ZNF536: variants seen among roughly 807,000 people sequenced by gnomAD.
ZNF536 encodes the protein zinc finger protein 536.
ZNF536 carries 13 observed loss-of-function variants against 84.5 expected under a neutral mutation model. That is an observed-to-expected ratio of 0.15 (90% CI 0.10 to 0.24). The LOEUF is 0.24. ZNF536 is among the 10% of genes least tolerant of loss of function. ZNF536 has a pLI of 1.00. For missense variants in ZNF536, 1,536 were observed against 1,747.5 expected, an observed-to-expected ratio of 0.88 and a Z score of 2.16; for synonymous variants, 811 against 742.5, an observed-to-expected ratio of 1.09 and a Z score of -1.50.
intron 1 of ZNF536, among the ~76,000 whole-genome samples, chr19:30,390,096 C>G (rs988934990): frequency 6.6e-6 from 1 of 152,094 alleles, no homozygotes; most frequent in East Asian, 1.9e-4. Flanking sequence ...AGGTGCTGTG[C>G]AGGGGAAGGT....
intron 2 of ZNF536, among the ~76,000 whole-genome samples, chr19:30,464,175 C>A (rs1045295496): frequency 5.9e-5 from 9 of 152,056 alleles, no homozygotes; most frequent in Non-Finnish European, 2.9e-5. Flanking sequence ...GTGATCACAT[C>A]GCTGCTTACG....
At chr19:30,460,681 A>G (rs561999845) in intron 2 of ZNF536, among the ~76,000 whole-genome samples, 69 of 152,326 alleles carry the variant, frequency 4.5e-4, no homozygotes, top group Admixed American at 1.1e-3. Flanking sequence ...CTGTGTGTGC[A>G]GGACTGTGTC....
At chr19:30,248,071 G>A (rs778435706) in intron 1 of ZNF536, among the ~76,000 whole-genome samples, 12 of 152,146 alleles carry the variant, frequency 7.9e-5, no homozygotes, top group South Asian at 2.1e-4. Context: ...CATGTACAGC[G>A]TCCACTGAAT....
At chr19:30,416,591 C>T (rs965531863) in intron 1 of ZNF536, among the ~76,000 whole-genome samples, 2 of 151,930 alleles carry the variant, frequency 1.3e-5, no homozygotes, top group African/African-American at 2.4e-5. Flanking sequence ...TGGGACTCAC[C>T]CACCTCCTCC....
intron 1 of ZNF536, among the ~76,000 whole-genome samples, chr19:30,642,681 A>T (rs1198800345): frequency 6.6e-6 from 1 of 152,200 alleles, no homozygotes; most frequent in Non-Finnish European, 1.5e-5. Flanking sequence ...CTCTAGCAAC[A>T]GATTAGATCC....
intron 3 of ZNF536, among the ~76,000 whole-genome samples, chr19:30,545,385 CTTTTTTTTTTTTTTTTT>C (rs772761287): frequency 1.5e-5 from 1 of 67,662 alleles, no homozygotes; most frequent in Admixed American, 1.7e-4. Flanking sequence ...TCCCATATGT[CTTTTTTTTTTTTTTTTT>C]TTTTTTTTTT....
intron 1 of ZNF536, among the ~76,000 whole-genome samples, chr19:30,593,837 C>T (rs1280707372): frequency 6.6e-6 from 1 of 152,222 alleles, no homozygotes; most frequent in Non-Finnish European, 1.5e-5. Context: ...GGCTGGTCTT[C>T]AGGCACTTTG....
chr19:30,398,053 G>T (rs920199393), intron 1 of ZNF536, among the ~76,000 whole-genome samples: 4 of 152,186 alleles, frequency 2.6e-5, no homozygotes, highest in Non-Finnish European at 5.9e-5. Context: ...AGATAGTATG[G>T]AGAGGTCTTT....
At chr19:30,540,847 T>A (rs1019000614) in intron 3 of ZNF536, among the ~76,000 whole-genome samples, 1 of 152,240 alleles carries the variant, frequency 6.6e-6, no homozygotes. Context: ...TGGCGCAGCC[T>A]CCAGGGAATT....
intron 2 of ZNF536, among the ~76,000 whole-genome samples, chr19:30,449,533 C>T (rs532934605): frequency 2.0e-5 from 3 of 152,274 alleles, no homozygotes; most frequent in African/African-American, 7.2e-5. Context: ...TGATACTGTT[C>T]ATTATATCCA....
At chr19:30,700,877 C>CG (rs1357903986) in intron 1 of ZNF536, among the ~76,000 whole-genome samples, 4 of 152,158 alleles carry the variant, frequency 2.6e-5, no homozygotes, top group South Asian at 2.1e-4. Context: ...GGAGTTCAGG[C>CG]GGCGCTGGTT....
chr19:30,405,445 C>G lies in ZNF536; in HGVS notation c.-3+32889C>G, dbSNP rs186907988. 8.8e-4 allele frequency among the ~76,000 whole-genome samples: 134 copies of G among 152,198 alleles called. 2 individuals carry two copies. Among genetic ancestry groups the G allele is most frequent in the African/African-American group, 3.1e-3 (128 of 41,540 alleles). ...TGCTACTTCCTGAACTTGGGGTCTCCCTGTGCCTGAACTCCATAGGTTCTG... is the reference window on the plus strand; with the variant it reads ...TGCTACTTCCTGAACTTGGGGTCTCGCTGTGCCTGAACTCCATAGGTTCTG... On this transcript the variant is annotated intron_variant, in intron 1 of 4. Transcript: ENST00000355537.
intron 2 of ZNF536, among the ~76,000 whole-genome samples, chr19:30,523,142 T>C (rs1408676128): frequency 6.6e-6 from 1 of 152,024 alleles, no homozygotes; most frequent in Non-Finnish European, 1.5e-5. Flanking sequence ...TGGCTTGGGG[T>C]TGGCGCGGGG....
chr19:30,499,337 CTATG>C (rs2054856297), intron 2 of ZNF536, among the ~76,000 whole-genome samples: 1 of 151,830 alleles, frequency 6.6e-6, no homozygotes, highest in Non-Finnish European at 1.5e-5. Flanking sequence ...ACATATGTAT[CTATG>C]TATGTATCTA....
At chr19:30,325,052 C>T (rs890492936) in intron 2 of ZNF536, among the ~76,000 whole-genome samples, 11 of 152,212 alleles carry the variant, frequency 7.2e-5, no homozygotes, top group Non-Finnish European at 1.2e-4. Flanking sequence ...GCTCCTTGGC[C>T]TGGGGAGCCT....
At chr19:30,231,465 C>T (rs910203328) in intron 1 of ZNF536, among the ~76,000 whole-genome samples, 3 of 152,176 alleles carry the variant, frequency 2.0e-5, no homozygotes, top group African/African-American at 7.2e-5. Flanking sequence ...CACACTGGCA[C>T]CTTCTCCAGA....
intron 2 of ZNF536, among the ~76,000 whole-genome samples, chr19:30,296,747 G>A (rs574537033): frequency 1.3e-5 from 2 of 152,238 alleles, no homozygotes; most frequent in Non-Finnish European, 2.9e-5. Flanking sequence ...TTGGGGCAGA[G>A]GCTGCGAGCC....
At chr19:30,562,764 T>G (rs1032673674), downstream of ZNF536, among the ~76,000 whole-genome samples, 1 of 151,844 alleles carries the variant, frequency 6.6e-6, no homozygotes, top group African/African-American at 2.4e-5. Flanking sequence ...CAGGCTCTCA[T>G]CTTGCACTCA....
intron 1 of ZNF536, among the ~76,000 whole-genome samples, chr19:30,399,927 G>A (rs2049980113): frequency 6.6e-6 from 1 of 152,014 alleles, no homozygotes; most frequent in African/African-American, 2.4e-5. Context: ...ACCTCAAGCA[G>A]TCCACCTTCC....
Sources: gnomAD v4.1 joint callset for allele counts (sites outside exome capture counted in the v4.1 genomes callset) on GRCh38, gnomAD v4.1.1 for gene constraint, MANE v1.5 for transcripts, NCBI Gene and HGNC (gene_info 2026-07-23, HGNC 2026-07-21) for gene names.